The following SORCS2 variants were observed in gnomAD, a reference collection of about 807,000 sequenced individuals.
SORCS2 encodes VPS10 domain-containing receptor SorCS2.
SORCS2 carries 100 observed loss-of-function variants against 141.6 expected under a neutral mutation model. The observed-to-expected ratio is 0.71, with a 90% CI of 0.60 to 0.83. The LOEUF (loss-of-function observed/expected upper bound fraction) is 0.83. Among genes scored for constraint, SORCS2 ranks in the 40% least tolerant of loss-of-function variants. The pLI, the probability that SORCS2 is intolerant of heterozygous loss-of-function variation, is 0.00. For synonymous variants in SORCS2, 789 were observed against 676.9 expected, an observed-to-expected ratio of 1.17 and a Z score of -2.57; for missense variants, 1,646 against 1,560.2, an observed-to-expected ratio of 1.05 and a Z score of -0.93.
intron 3 of SORCS2, among the ~76,000 whole-genome samples, chr4:7,571,886 G>A (rs1288409948): frequency 2.0e-5 from 3 of 152,138 alleles, no homozygotes; most frequent in Admixed American, 6.5e-5. Flanking sequence ...GACCCCCCTC[G>A]CGGTGCCAGA....
At chr4:7,514,171 A>G (rs779405807) in intron 2 of SORCS2, among the ~76,000 whole-genome samples, 3 of 152,234 alleles carry the variant, frequency 2.0e-5, no homozygotes, top group African/African-American at 7.2e-5. Flanking sequence ...AGCGGGGGCC[A>G]CTCAGCAGGT....
At chr4:7,308,859 G>A (rs1171661351) in intron 1 of SORCS2, among the ~76,000 whole-genome samples, 2 of 152,138 alleles carry the variant, frequency 1.3e-5, no homozygotes, top group Non-Finnish European at 2.9e-5. Context: ...CCAGGATAAA[G>A]CCACAGACCC....
intron 1 of SORCS2, among the ~76,000 whole-genome samples, chr4:7,298,174 A>C (rs1157066885): frequency 6.6e-6 from 1 of 152,146 alleles, no homozygotes; most frequent in Non-Finnish European, 1.5e-5. Flanking sequence ...TGTGCACCGC[A>C]GGCATGCAAG....
At chr4:7,278,937 A>G (rs2108855470) in intron 1 of SORCS2, among the ~76,000 whole-genome samples, 1 of 152,292 alleles carries the variant, frequency 6.6e-6, no homozygotes, top group Non-Finnish European at 1.5e-5. Flanking sequence ...GGCATCCAGA[A>G]AACCCCACAG....
chr4:7,193,189 G>A lies in SORCS2; in HGVS notation c.480+63G>A. ...GGGACACCGCGGGACACCCGGGCGG[G>A]ACCGCCACGGCCCCCACCCCAGATC... On this transcript the variant is annotated intron_variant, in intron 1 of 26. Coordinates refer to ENST00000507866, the MANE Select transcript of SORCS2 (RefSeq NM_020777.3). This position sits in a 1 kb window ranked among gnomAD's most constrained non-coding sequence, Gnocchi z 4.8. The A allele has an allele frequency of 2.1e-6, 3 of 1,399,676 alleles. No individual in the cohort carries two copies. The highest frequency in any genetic ancestry group is 2.8e-6 in the Non-Finnish European group (3 of 1,079,812). 86.7% of individuals were successfully genotyped at this position (1,399,676 alleles called of 1,614,324 possible).
At chr4:7,702,586 A>G (rs1459496690) in intron 12 of SORCS2, among the ~76,000 whole-genome samples, 1 of 148,998 alleles carries the variant, frequency 6.7e-6, no homozygotes, top group Non-Finnish European at 1.5e-5. Flanking sequence ...CTCAGTATCC[A>G]CTCCTGGGTA....
chr4:7,660,907 C>T (rs1377300840), intron 5 of SORCS2, among the ~76,000 whole-genome samples: 1 of 152,138 alleles, frequency 6.6e-6, no homozygotes, highest in African/African-American at 2.4e-5. Context: ...AGAGAGCAAT[C>T]TTCCCAAGGC....
intron 1 of SORCS2, among the ~76,000 whole-genome samples, chr4:7,367,291 G>A (rs1316167574): frequency 2.0e-5 from 3 of 152,202 alleles, no homozygotes; most frequent in Non-Finnish European, 4.4e-5. Context: ...TCCAGAGAAT[G>A]GTGACCCGGC....
chr4:7,229,411 C>A (rs1331045680), intron 1 of SORCS2, among the ~76,000 whole-genome samples: 1 of 152,200 alleles, frequency 6.6e-6, no homozygotes, highest in East Asian at 1.9e-4. Context: ...GGACTCCATC[C>A]TCTTCCCTTG....
chr4:7,500,301 A>T (rs991053984), intron 2 of SORCS2, among the ~76,000 whole-genome samples: 2 of 102,076 alleles, frequency 2.0e-5, no homozygotes, highest in Non-Finnish European at 3.9e-5. Flanking sequence ...AGGTGGATCA[A>T]TACTCGCCTT....
chr4:7,229,332 G>A (rs995791632), intron 1 of SORCS2, among the ~76,000 whole-genome samples: 2 of 151,946 alleles, frequency 1.3e-5, no homozygotes, highest in Non-Finnish European at 2.9e-5. Context: ...GCTGACAGGA[G>A]CCCCTCTCCC....
intron 1 of SORCS2, among the ~76,000 whole-genome samples, chr4:7,240,334 A>G (rs1363179060): frequency 6.6e-6 from 1 of 152,218 alleles, no homozygotes; most frequent in Non-Finnish European, 1.5e-5. Context: ...ACTTCTGTAA[A>G]AAATGTTTCA....
At chr4:7,650,173 CAG>C (rs1169891075) in intron 4 of SORCS2, among the ~76,000 whole-genome samples, 4 of 152,196 alleles carry the variant, frequency 2.6e-5, no homozygotes, top group Admixed American at 2.0e-4. Context: ...GCAGGTCTGA[CAG>C]GGGGTGACCC....
At chr4:7,197,954 G>T (rs908717214) in intron 1 of SORCS2, among the ~76,000 whole-genome samples, 1 of 152,248 alleles carries the variant, frequency 6.6e-6, no homozygotes, top group Non-Finnish European at 1.5e-5. Flanking sequence ...TGGTGCAGGT[G>T]AAGTGAGATC....
chr4:7,324,415 A>G (rs1719104578), intron 1 of SORCS2, among the ~76,000 whole-genome samples: 1 of 152,188 alleles, frequency 6.6e-6, no homozygotes, highest in Non-Finnish European at 1.5e-5. Context: ...TGCAGCTCCA[A>G]CTGGGCAACA....
At chr4:7,262,250 C>T (rs1001273988) in intron 1 of SORCS2, among the ~76,000 whole-genome samples, 3 of 113,550 alleles carry the variant, frequency 2.6e-5, no homozygotes, top group Non-Finnish European at 4.2e-5. Flanking sequence ...ATTCATCCAT[C>T]CACCCACCTA....
intron 1 of SORCS2, among the ~76,000 whole-genome samples, chr4:7,239,927 C>T (rs1222762804): frequency 6.6e-6 from 1 of 152,132 alleles, no homozygotes; most frequent in Non-Finnish European, 1.5e-5. Flanking sequence ...CTGGAAGGGT[C>T]GGAATCTTGT....
chr4:7,207,039 C>A (rs143647157), intron 1 of SORCS2, among the ~76,000 whole-genome samples: 131 of 152,210 alleles, frequency 8.6e-4, no homozygotes, highest in Non-Finnish European at 1.6e-3. Flanking sequence ...AAACCAGCCC[C>A]GCACCTAGCA....
chr4:7,733,275 A>T (rs1711852332), intron 23 of SORCS2, 47 bp from the exon 24 acceptor site: 1 of 1,398,094 alleles, frequency 7.2e-7, no homozygotes, highest in Non-Finnish European at 9.6e-7. Context: ...CTTTTGGCAG[A>T]GGAGCCTCCA....
Sources: allele counts gnomAD v4.1 joint callset (sites outside exome capture counted in the v4.1 genomes callset), GRCh38; gene constraint gnomAD v4.1.1; non-coding constraint Gnocchi (gnomAD v3.1); transcripts MANE v1.5; gene names NCBI Gene and HGNC (gene_info 2026-07-23, HGNC 2026-07-21).